KCNH1: variants seen among roughly 807,000 people sequenced by gnomAD.
The protein encoded by KCNH1 is potassium voltage-gated channel subfamily H member 1, also known as voltage-gated delayed rectifier potassium channel KCNH1.
Under a neutral mutation model 69.2 loss-of-function variants are expected in KCNH1, and 27 were observed. The observed-to-expected ratio is 0.39, with a 90% CI of 0.29 to 0.54. The LOEUF is 0.54. Among genes scored for constraint, KCNH1 ranks in the 20% least tolerant of loss-of-function variants. The pLI, the probability that KCNH1 is intolerant of heterozygous loss-of-function variation, is 0.68. For synonymous variants in KCNH1, 456 were observed against 487.7 expected, an observed-to-expected ratio of 0.93 and a Z score of 0.86; for missense variants, 798 against 1,261.6, an observed-to-expected ratio of 0.63 and a Z score of 5.57.
intron 6 of KCNH1, among the ~76,000 whole-genome samples, chr1:210,955,305 C>G (rs1179268148): frequency 2.0e-5 from 3 of 152,156 alleles, no homozygotes; most frequent in African/African-American, 4.8e-5. Context: ...ACTACTGTAG[C>G]CTTGTAGTGT....
intron 7 of KCNH1, among the ~76,000 whole-genome samples, chr1:210,895,302 C>G (rs1686841529): frequency 6.6e-6 from 1 of 151,882 alleles, no homozygotes; most frequent in South Asian, 2.1e-4. Flanking sequence ...AAGGTCTGTG[C>G]TTTATTCATT....
At chr1:211,090,751 G>A (rs551425103) in intron 3 of KCNH1, 61 bp from the exon 4 acceptor site, 2 of 1,470,838 alleles carry the variant, frequency 1.4e-6, no homozygotes, top group East Asian at 2.3e-5. Flanking sequence ...GGCTATGGAA[G>A]CAAAGACTTG....
chr1:211,102,722 T>G (rs992816374), intron 3 of KCNH1, among the ~76,000 whole-genome samples: 3 of 152,342 alleles, frequency 2.0e-5, no homozygotes, highest in Middle Eastern at 3.4e-3. Context: ...AATTAAACGG[T>G]TATCCTCATG....
At chr1:210,923,971 C>G (rs1366515048) in intron 6 of KCNH1, among the ~76,000 whole-genome samples, 2 of 151,522 alleles carry the variant, frequency 1.3e-5, no homozygotes, top group African/African-American at 4.9e-5. Flanking sequence ...TCCAGTATTA[C>G]TGGTGTCCTT....
At chr1:210,688,390 G>C (rs1237712381) in intron 10 of KCNH1, among the ~76,000 whole-genome samples, 1 of 152,152 alleles carries the variant, frequency 6.6e-6, no homozygotes, top group African/African-American at 2.4e-5. Context: ...TTACCCCCTG[G>C]TGGACAGGCC....
intron 5 of KCNH1, among the ~76,000 whole-genome samples, chr1:211,033,761 T>C (rs1187586047): frequency 2.0e-5 from 3 of 151,666 alleles, no homozygotes; most frequent in Non-Finnish European, 4.4e-5. Flanking sequence ...CCGGGGCCTG[T>C]TGTGGGGTGG....
At chr1:211,015,135 A>G (rs1163670569) in intron 6 of KCNH1, among the ~76,000 whole-genome samples, 1 of 152,126 alleles carries the variant, frequency 6.6e-6, no homozygotes. Flanking sequence ...CCCAACACAG[A>G]TGCCTTGGGG....
intron 6 of KCNH1, among the ~76,000 whole-genome samples, chr1:210,964,937 C>T (rs1298353830): frequency 1.3e-5 from 2 of 152,168 alleles, no homozygotes; most frequent in Non-Finnish European, 2.9e-5. Flanking sequence ...AGATGCAAGG[C>T]TGGTTCAATA....
chr1:211,034,437 G>A (rs772701361), intron 5 of KCNH1, among the ~76,000 whole-genome samples: 2 of 149,386 alleles, frequency 1.3e-5, no homozygotes, highest in African/African-American at 4.9e-5. Flanking sequence ...GGAAGGAAGG[G>A]GGTGGGGGGT....
rs568862590 is a variant in KCNH1 at position 211,048,693 on chromosome 1, G to A, written c.559-29437C>T. 3.9e-5 allele frequency among the ~76,000 whole-genome samples: 6 copies of A among 152,182 alleles called. No individual in the cohort carries two copies. In the South Asian group the frequency reaches 1.2e-3, roughly 32 times the overall value. On this transcript the variant is annotated intron_variant, in intron 5 of 10. Transcript: ENST00000271751. ...ATACATTGGACTTTGGGGACAAGTG[G>A]GGAATAATGGGGGAGTGAGGAATAA...
At chr1:210,785,927 A>G (rs1402499188) in intron 9 of KCNH1, among the ~76,000 whole-genome samples, 1 of 152,170 alleles carries the variant, frequency 6.6e-6, no homozygotes, top group Non-Finnish European at 1.5e-5. Flanking sequence ...TCTGGGTCTC[A>G]ATATTAAGAA....
intron 10 of KCNH1, among the ~76,000 whole-genome samples, chr1:210,744,122 G>A (rs565152160): frequency 6.6e-6 from 1 of 152,186 alleles, no homozygotes; most frequent in African/African-American, 2.4e-5. Flanking sequence ...TGTAGAGGGA[G>A]GATAAGCAAG....
At chr1:210,842,926 A>AT (rs1685440868) in intron 7 of KCNH1, among the ~76,000 whole-genome samples, 1 of 152,218 alleles carries the variant, frequency 6.6e-6, no homozygotes, top group African/African-American at 2.4e-5. Flanking sequence ...AAGAACTCTA[A>AT]GAAGGCTTTG....
chr1:210,997,277 G>A (rs371506905), intron 6 of KCNH1, among the ~76,000 whole-genome samples: 26 of 152,122 alleles, frequency 1.7e-4, no homozygotes, highest in Admixed American at 1.2e-3. Context: ...AAAATTAGAC[G>A]AATGGAAAAC....
chr1:210,809,827 T>C (rs1684665079), intron 7 of KCNH1, among the ~76,000 whole-genome samples: 2 of 152,178 alleles, frequency 1.3e-5, no homozygotes, highest in South Asian at 4.1e-4. Flanking sequence ...TAAGGGCGTT[T>C]AGTGAGATAG....
intron 1 of KCNH1, among the ~76,000 whole-genome samples, chr1:211,122,330 A>G (rs1691702939): frequency 6.6e-6 from 1 of 152,152 alleles, no homozygotes; most frequent in African/African-American, 2.4e-5. Flanking sequence ...GAAAAAATAG[A>G]TGCTGGCCAG....
chr1:210,712,082 C>T (rs370885397), intron 10 of KCNH1, among the ~76,000 whole-genome samples: 1 of 152,084 alleles, frequency 6.6e-6, no homozygotes, highest in Non-Finnish European at 1.5e-5. Context: ...CTGAGTACAA[C>T]GCTCAGCCAT....
chr1:211,129,813 T>C (rs1691845119), intron 1 of KCNH1, among the ~76,000 whole-genome samples: 1 of 152,198 alleles, frequency 6.6e-6, no homozygotes, highest in Non-Finnish European at 1.5e-5. Flanking sequence ...CTTAACACTA[T>C]ACAAAAACAC....
At chr1:210,973,206 A>G (rs111231502) in intron 6 of KCNH1, among the ~76,000 whole-genome samples, 1 of 152,166 alleles carries the variant, frequency 6.6e-6, no homozygotes, top group South Asian at 2.1e-4. Context: ...TTCAAATTCA[A>G]CATATCCCAA....
Sources: allele counts gnomAD v4.1 joint callset (sites outside exome capture counted in the v4.1 genomes callset), GRCh38; gene constraint gnomAD v4.1.1; transcripts MANE v1.5; gene names NCBI Gene and HGNC (gene_info 2026-07-23, HGNC 2026-07-21).